The following SLC5A4 variants were observed in gnomAD, a reference collection of about 807,000 sequenced individuals.
SLC5A4 encodes solute carrier family 5 member 4.
A neutral mutation model predicts 70.3 loss-of-function variants in SLC5A4; 55 were observed. The ratio of observed to expected loss-of-function variants is 0.78; its 90% CI spans 0.63 to 0.98. SLC5A4 has a LOEUF of 0.98. Among genes scored for constraint, SLC5A4 ranks in the 50% least tolerant of loss-of-function variants. The pLI, the probability that SLC5A4 is intolerant of heterozygous loss-of-function variation, is 0.00. For missense variants in SLC5A4, 735 were observed against 839.2 expected (o/e 0.88, Z 1.53); for synonymous variants, 268 against 305.7 (o/e 0.88, Z 1.29).
chr22:32,232,173 T>C (rs1306721788), intron 9 of SLC5A4, among the ~76,000 whole-genome samples: 1 of 152,196 alleles, frequency 6.6e-6, no homozygotes, highest in African/African-American at 2.4e-5. Context: ...GAGCATTCTT[T>C]ACCCTTATAA....
the SLC5A4 span, among the ~76,000 whole-genome samples, chr22:32,300,433 C>T: frequency 6.6e-6 from 1 of 152,188 alleles, no homozygotes; most frequent in Admixed American, 6.5e-5. Flanking sequence ...CAGGTGCCGT[C>T]CGTCACCCCT....
chr22:32,310,330 G>C, the SLC5A4 span, among the ~76,000 whole-genome samples: 2 of 152,252 alleles, frequency 1.3e-5, no homozygotes, highest in African/African-American at 2.4e-5. Flanking sequence ...GGGAAACTGA[G>C]GGAACAGACC....
At chr22:32,346,827 T>C in the SLC5A4 span, among the ~76,000 whole-genome samples, 3 of 147,096 alleles carry the variant, frequency 2.0e-5, no homozygotes, top group African/African-American at 5.1e-5. Context: ...CCAAAAGCAA[T>C]GGCAACAAAA....
chr22:32,239,554 A>ATATATT (rs1569374842), intron 5 of SLC5A4, among the ~76,000 whole-genome samples: 305 of 16,834 alleles, frequency 0.018, 14 homozygotes, highest in Middle Eastern at 0.037. Context: ...ATATATATAT[A>ATATATT]TATATATATA....
chr22:32,229,091 T>A, intron 11 of SLC5A4, 103 bp downstream of exon 11: 1 of 1,066,134 alleles, frequency 9.4e-7, no homozygotes, highest in Non-Finnish European at 1.4e-6. Context: ...TCTACCCAGA[T>A]GCTATGATTA....
the SLC5A4 span, chr22:32,270,842 G>T: frequency 3.6e-6 from 2 of 557,382 alleles, no homozygotes; most frequent in South Asian, 1.7e-5. Context: ...TGGCTGCCAC[G>T]ACCACCTGGT....
chr22:32,332,586 C>T, the SLC5A4 span, among the ~76,000 whole-genome samples: 5 of 152,232 alleles, frequency 3.3e-5, no homozygotes, highest in African/African-American at 4.8e-5. Flanking sequence ...GGAGCCTCTG[C>T]AGAGACAGGG....
chr22:32,254,022 C>G (rs1000950012), intron 2 of SLC5A4, 120 bp downstream of exon 2: 4 of 796,474 alleles, frequency 5.0e-6, no homozygotes, highest in Non-Finnish European at 9.0e-6. Context: ...CTCAGATGAT[C>G]TGCCAGCCTT....
the SLC5A4 span, among the ~76,000 whole-genome samples, chr22:32,298,198 C>T: frequency 6.9e-6 from 1 of 145,846 alleles, no homozygotes; most frequent in African/African-American, 2.6e-5. Context: ...AGTTCAATTC[C>T]TGGGTATCCT....
At chr22:32,305,322 C>T in the SLC5A4 span, among the ~76,000 whole-genome samples, 2 of 130,302 alleles carry the variant, frequency 1.5e-5, no homozygotes, top group African/African-American at 3.0e-5. Flanking sequence ...AGTCTCTCTG[C>T]CTGTCTCCTA....
At chr22:32,302,915 G>A in the SLC5A4 span, among the ~76,000 whole-genome samples, 78 of 152,276 alleles carry the variant, frequency 5.1e-4, no homozygotes, top group African/African-American at 1.8e-3. Flanking sequence ...TCTGATTTGG[G>A]GAGAATTGAC....
intron 11 of SLC5A4, among the ~76,000 whole-genome samples, chr22:32,227,805 C>G (rs1365585724): frequency 6.6e-6 from 1 of 152,004 alleles, no homozygotes; most frequent in African/African-American, 2.4e-5. Flanking sequence ...CATGGTCGTG[C>G]ACGCCTCTAG....
At chr22:32,282,893 G>A in the SLC5A4 span, among the ~76,000 whole-genome samples, 1,444 of 152,192 alleles carry the variant, frequency 9.5e-3, 14 homozygotes, top group Non-Finnish European at 0.014. Flanking sequence ...CTCTCCACCC[G>A]GCCCCGTTTC....
the SLC5A4 span, chr22:32,271,241 G>T: frequency 1.3e-6 from 1 of 795,394 alleles, no homozygotes; most frequent in South Asian, 1.4e-5. Flanking sequence ...TTCCCTGTGG[G>T]GCAGCGGGTC....
At chr22:32,331,041 G>GGT in the SLC5A4 span, among the ~76,000 whole-genome samples, 26 of 134,318 alleles carry the variant, frequency 1.9e-4, no homozygotes, top group Non-Finnish European at 2.5e-4. Flanking sequence ...TGGAGGCTCT[G>GGT]GTGTGTGTGT....
chr22:32,315,100 T>C, the SLC5A4 span, among the ~76,000 whole-genome samples: 12 of 152,196 alleles, frequency 7.9e-5, no homozygotes, highest in South Asian at 2.1e-4. Context: ...TTATGTGCAT[T>C]CTACCACAAT....
chr22:32,270,438 G>A, the SLC5A4 span: 3 of 1,266,864 alleles, frequency 2.4e-6, no homozygotes, highest in South Asian at 1.3e-5. Context: ...TGGTGCCTAA[G>A]GAGGAGAAAG....
intron 13 of SLC5A4, among the ~76,000 whole-genome samples, chr22:32,221,914 C>T (rs1438490975): frequency 6.6e-6 from 1 of 152,130 alleles, no homozygotes; most frequent in Non-Finnish European, 1.5e-5. Flanking sequence ...CCACCATGCC[C>T]GGCTAATCTT....
At chr22:32,267,244 A>G in the SLC5A4 span, among the ~76,000 whole-genome samples, 2 of 152,150 alleles carry the variant, frequency 1.3e-5, no homozygotes, top group East Asian at 3.8e-4. Flanking sequence ...AATCTAATAT[A>G]TAGCATAATT....
Sources: allele counts gnomAD v4.1 joint callset (sites outside exome capture counted in the v4.1 genomes callset), GRCh38; gene constraint gnomAD v4.1.1; transcripts MANE v1.5; gene names NCBI Gene and HGNC (gene_info 2026-07-23, HGNC 2026-07-21).